The following MATN2 variants were observed in gnomAD, a reference collection of about 807,000 sequenced individuals.
MATN2 encodes matrilin-2.
A neutral mutation model predicts 103.2 loss-of-function variants in MATN2; 69 were observed. The ratio of observed to expected loss-of-function variants is 0.67; its 90% CI spans 0.55 to 0.82. The LOEUF (loss-of-function observed/expected upper bound fraction) is 0.82, where lower values mean the gene tolerates loss of function less well. MATN2 is among the 40% of genes least tolerant of loss of function. MATN2 has a pLI of 0.00. For missense variants in MATN2, 1,023 were observed against 1,211.5 expected (o/e 0.84, Z 2.31); for synonymous variants, 429 against 450.2 (o/e 0.95, Z 0.60).
intron 6 of MATN2, among the ~76,000 whole-genome samples, chr8:97,991,512 A>G (rs1812386174): frequency 6.6e-6 from 1 of 152,162 alleles, no homozygotes; most frequent in Non-Finnish European, 1.5e-5. Context: ...GCCTGAGTTC[A>G]GGAGTTCGAG....
chr8:97,992,589 T>C (rs1476889836), intron 6 of MATN2, among the ~76,000 whole-genome samples: 1 of 151,068 alleles, frequency 6.6e-6, no homozygotes, highest in Admixed American at 6.6e-5. Context: ...CCACTAAAAA[T>C]ACAAAAATTA....
chr8:97,984,854 A>C (rs773475135), intron 6 of MATN2, among the ~76,000 whole-genome samples: 1 of 152,212 alleles, frequency 6.6e-6, no homozygotes, highest in Non-Finnish European at 1.5e-5. Flanking sequence ...CCTACATTCT[A>C]TTGGAGCAGG....
Position 98,035,671 on chromosome 8 carries a change from C to G in MATN2, c.2830C>G (p.Gln944Glu). 1 of 1,586,668 alleles carries G rather than the reference C, an allele frequency of 6.3e-7. No homozygotes were observed. Among genetic ancestry groups the G allele is most frequent in the Non-Finnish European group, 8.6e-7 (1 of 1,161,730 alleles). Residue 944 changes from glutamine (Q) to glutamate (E), a missense_variant, in exon 19 of 19, where the codon CAG becomes GAG. Gln to Glu is a conservative substitution (Grantham distance 29). Transcript: ENST00000254898. Reference sequence around the variant, plus strand: ...TTGAGATTTACTAGAAGAAATGACACAGAGAATGGAAGCCCTGGAAAATCG... The same window carrying G: ...TTGAGATTTACTAGAAGAAATGACAGAGAGAATGGAAGCCCTGGAAAATCG... ...KLTQRLEEMT[Q>E]RMEALENRLR...
chr8:97,894,323 C>CTT lies in MATN2; in HGVS notation c.142+6105_142+6106dup, dbSNP rs58988866. ...TAATGAAGAAAATCTAAGAATTCAC[C>CTT]TTTTTTTTTTTTTTTTTTTTTTTTT... is the stretch of plus-strand genomic sequence containing the variant. On this transcript the variant is annotated intron_variant, in intron 2 of 18. Transcript: ENST00000254898. Among the ~76,000 whole-genome samples, 269 of 59,204 alleles carry CTT rather than the reference C, an allele frequency of 4.5e-3. 5 individuals are homozygous for CTT. Among genetic ancestry groups the CTT allele is most frequent in the African/African-American group, 0.015 (244 of 15,940 alleles). 38.8% of individuals were successfully genotyped at this position (59,204 alleles called of 152,430 possible).
At chr8:97,946,820 C>T (rs912836222) in intron 4 of MATN2, among the ~76,000 whole-genome samples, 1 of 152,134 alleles carries the variant, frequency 6.6e-6, no homozygotes, top group African/African-American at 2.4e-5. Context: ...ATGTTCCCAA[C>T]ATTATTTTTC....
intron 4 of MATN2, among the ~76,000 whole-genome samples, chr8:97,945,711 A>ATATATATATATATATAT (rs1385265414): frequency 4.5e-5 from 3 of 67,330 alleles, no homozygotes; most frequent in Non-Finnish European, 5.5e-5. Flanking sequence ...TATAGAAAAA[A>ATATATATATATATATAT]AAAAAAATAT....
chr8:97,970,263 T>C (rs1326343705), intron 5 of MATN2, among the ~76,000 whole-genome samples: 1 of 152,126 alleles, frequency 6.6e-6, no homozygotes, highest in African/African-American at 2.4e-5. Flanking sequence ...GGATGGTAAC[T>C]CCCAGGTGTT....
intron 5 of MATN2, among the ~76,000 whole-genome samples, chr8:97,969,136 T>G (rs1388742625): frequency 6.6e-6 from 1 of 152,156 alleles, no homozygotes; most frequent in Admixed American, 6.5e-5. Context: ...GCCACACTTT[T>G]AAACAACCAG....
chr8:97,899,688 T>C (rs747483045), intron 2 of MATN2, among the ~76,000 whole-genome samples: 7 of 152,190 alleles, frequency 4.6e-5, no homozygotes, highest in Admixed American at 1.3e-4. Flanking sequence ...TTGAAGACCC[T>C]AACTCCAAAT....
At chr8:97,909,002 G>T (rs1819274071) in intron 2 of MATN2, among the ~76,000 whole-genome samples, 1 of 151,892 alleles carries the variant, frequency 6.6e-6, no homozygotes, top group Non-Finnish European at 1.5e-5. Flanking sequence ...GCAGTGCCCT[G>T]ATCTTGGCTT....
intron 6 of MATN2, among the ~76,000 whole-genome samples, chr8:97,990,384 T>A (rs1411365401): frequency 1.3e-5 from 2 of 152,158 alleles, no homozygotes. Flanking sequence ...CAAGTGATGA[T>A]GGGGATACGG....
intron 4 of MATN2, among the ~76,000 whole-genome samples, chr8:97,942,660 C>G (rs1810607845): frequency 6.6e-6 from 1 of 152,208 alleles, no homozygotes; most frequent in Non-Finnish European, 1.5e-5. Context: ...TAAAACTCAG[C>G]TAATCTGACA....
intron 2 of MATN2, among the ~76,000 whole-genome samples, chr8:97,918,941 T>C (rs919396668): frequency 6.6e-6 from 1 of 152,204 alleles, no homozygotes; most frequent in Non-Finnish European, 1.5e-5. Flanking sequence ...TTCTTTATTT[T>C]CTGAACCTAA....
chr8:97,904,837 A>G (rs1016510026), intron 2 of MATN2, among the ~76,000 whole-genome samples: 2 of 152,170 alleles, frequency 1.3e-5, no homozygotes, highest in African/African-American at 4.8e-5. Context: ...ATGTCCCTCA[A>G]AGTGCTCTTG....
intron 1 of MATN2, among the ~76,000 whole-genome samples, chr8:97,880,628 G>A (rs375628179): frequency 1.3e-3 from 194 of 152,248 alleles, no homozygotes; most frequent in African/African-American, 4.3e-3. Flanking sequence ...CACACCCCAC[G>A]AAATGCTTAA....
At position 98,036,454 on chromosome 8, in the gene MATN2, T is replaced by C. The variant is rs1814252352; in HGVS notation, c.*742T>C. 1 of 152,224 alleles carries C rather than the reference T, an allele frequency of 6.6e-6. No individual in the cohort carries two copies. Among genetic ancestry groups the C allele is most frequent in the South Asian group, 2.1e-4 (1 of 4,834 alleles). The allele number at this position is 152,224 out of a possible 1,614,324, so 9.4% of individuals were successfully genotyped here. Reference sequence around the variant, plus strand: ...GTAAGAATGCAAATGGCACTCTTTGTAGAGTAAGTCTGTTGACATCTCATA... The same window carrying C: ...GTAAGAATGCAAATGGCACTCTTTGCAGAGTAAGTCTGTTGACATCTCATA... On this transcript the variant is annotated 3_prime_UTR_variant, in exon 19 of 19. Transcript: ENST00000254898.
chr8:98,002,980 C>G (rs1812834941), intron 7 of MATN2, among the ~76,000 whole-genome samples: 1 of 152,094 alleles, frequency 6.6e-6, no homozygotes, highest in Admixed American at 6.5e-5. Context: ...GGCCAGCTCC[C>G]TCTGCCTCCC....
At chr8:97,992,162 T>C (rs1024544909) in intron 6 of MATN2, among the ~76,000 whole-genome samples, 1 of 152,124 alleles carries the variant, frequency 6.6e-6, no homozygotes, top group African/African-American at 2.4e-5. Context: ...ACACGGACTG[T>C]TTTTAAGGGA....
intron 4 of MATN2, chr8:97,952,407 G>A (rs1172633786): frequency 6.6e-6 from 1 of 152,258 alleles, no homozygotes; most frequent in African/African-American, 2.4e-5. Context: ...ATTCTGAAAC[G>A]TTGGTGAAAC....
Sources: gnomAD v4.1 joint callset for allele counts (sites outside exome capture counted in the v4.1 genomes callset) on GRCh38, gnomAD v4.1.1 for gene constraint, MANE v1.5 for transcripts, NCBI Gene and HGNC (gene_info 2026-07-23, HGNC 2026-07-21) for gene names.